Variants in KCNH8 observed in about 807,000 individuals in gnomAD.
KCNH8 encodes voltage-gated delayed rectifier potassium channel KCNH8.
Under a neutral mutation model 103.6 loss-of-function variants are expected in KCNH8, and 70 were observed. The ratio of observed to expected loss-of-function variants is 0.68; its 90% CI spans 0.56 to 0.82. The LOEUF (loss-of-function observed/expected upper bound fraction) is 0.82, where lower values mean the gene tolerates loss of function less well. KCNH8 is among the 40% of genes least tolerant of loss of function. KCNH8 has a pLI of 0.00. For synonymous variants in KCNH8, 498 were observed against 489.4 expected (o/e 1.02, Z -0.23); for missense variants, 1,217 against 1,329.9 (o/e 0.92, Z 1.32).
chr3:19,171,931 G>A (rs1458425069), intron 1 of KCNH8, among the ~76,000 whole-genome samples: 1 of 152,186 alleles, frequency 6.6e-6, no homozygotes, highest in Admixed American at 6.5e-5. Context: ...GAACTTGACG[G>A]TGTTTGCACT....
At position 19,209,814 on chromosome 3, in the gene KCNH8, A is replaced by G. The variant is rs1331143380; in HGVS notation, c.77-43840A>G. ...TTCAGACAGGATTCAGGTGCTTTTT[A>G]AAGATCTGGCAGGACGATTCCTGGG... On this transcript the variant is annotated intron_variant, in intron 1 of 15. Coordinates refer to ENST00000328405, the MANE Select transcript of KCNH8 (RefSeq NM_144633.3). Among the ~76,000 whole-genome samples, 3 of 152,076 alleles carry G rather than the reference A, an allele frequency of 2.0e-5. No homozygotes were observed. The East Asian group carries it at 5.8e-4, about 29-fold the overall frequency.
intron 1 of KCNH8, among the ~76,000 whole-genome samples, chr3:19,198,402 G>C (rs1023664696): frequency 2.0e-5 from 3 of 152,040 alleles, no homozygotes; most frequent in African/African-American, 4.8e-5. Flanking sequence ...ACATTGCAGT[G>C]CAAGACAACC....
At chr3:19,248,734 A>G (rs2125250017) in intron 1 of KCNH8, among the ~76,000 whole-genome samples, 1 of 152,276 alleles carries the variant, frequency 6.6e-6, no homozygotes, top group Middle Eastern at 3.4e-3. Flanking sequence ...GAAAGAAGCT[A>G]ATAGTGGATC....
At chr3:19,368,377 G>A (rs1306128289) in intron 5 of KCNH8, among the ~76,000 whole-genome samples, 3 of 151,994 alleles carry the variant, frequency 2.0e-5, no homozygotes, top group Non-Finnish European at 4.4e-5. Context: ...TGTAGGGCTG[G>A]TCCATACTAG....
intron 7 of KCNH8, among the ~76,000 whole-genome samples, chr3:19,396,745 A>G (rs924367788): frequency 6.6e-6 from 1 of 151,988 alleles, no homozygotes; most frequent in Non-Finnish European, 1.5e-5. Context: ...CTATCTTTCG[A>G]TATTGTTTTC....
chr3:19,477,636 C>A (rs2068004490), intron 11 of KCNH8, among the ~76,000 whole-genome samples: 1 of 151,802 alleles, frequency 6.6e-6, no homozygotes, highest in Non-Finnish European at 1.5e-5. Context: ...GTGGAAGCAA[C>A]AAACAAGGAA....
intron 5 of KCNH8, among the ~76,000 whole-genome samples, chr3:19,366,450 A>G (rs564804842): frequency 3.4e-4 from 52 of 152,250 alleles, no homozygotes; most frequent in South Asian, 1.0e-3. Context: ...AGACTATGAG[A>G]AGAGCATGTG....
intron 1 of KCNH8, among the ~76,000 whole-genome samples, chr3:19,213,868 T>C (rs1403116191): frequency 6.6e-6 from 1 of 152,154 alleles, no homozygotes; most frequent in Non-Finnish European, 1.5e-5. Context: ...TGAAGTCTAC[T>C]CCAGTATCAA....
chr3:19,357,484 C>T, intron 5 of KCNH8, among the ~76,000 whole-genome samples: 2 of 149,410 alleles, frequency 1.3e-5, no homozygotes, highest in Non-Finnish European at 3.0e-5. Context: ...TCTAAAAATA[C>T]AAAAAAAAAA....
intron 11 of KCNH8, among the ~76,000 whole-genome samples, chr3:19,463,341 C>G (rs1291426636): frequency 6.6e-6 from 1 of 151,978 alleles, no homozygotes; most frequent in Admixed American, 6.6e-5. Flanking sequence ...AAGTTTCATA[C>G]TAGTAGTATG....
chr3:19,280,153 A>C (rs1268372375), intron 2 of KCNH8, among the ~76,000 whole-genome samples: 1 of 152,122 alleles, frequency 6.6e-6, no homozygotes, highest in Non-Finnish European at 1.5e-5. Flanking sequence ...ATTTTAAAAT[A>C]TATTTAAACA....
chr3:19,455,818 A>T (rs113053465), intron 10 of KCNH8, among the ~76,000 whole-genome samples: 54 of 152,226 alleles, frequency 3.5e-4, no homozygotes, highest in African/African-American at 1.3e-3. Context: ...CAAAGTATGA[A>T]AAGTATGATG....
At chr3:19,500,070 G>A (rs1319391526) in intron 11 of KCNH8, among the ~76,000 whole-genome samples, 1 of 152,076 alleles carries the variant, frequency 6.6e-6, no homozygotes, top group Non-Finnish European at 1.5e-5. Context: ...ACACACATAG[G>A]CTCAAATTAA....
chr3:19,474,848 G>A (rs904252087), intron 11 of KCNH8, among the ~76,000 whole-genome samples: 6 of 152,060 alleles, frequency 3.9e-5, no homozygotes, highest in Non-Finnish European at 8.8e-5. Flanking sequence ...TTATATCCTA[G>A]GTTATACAGT....
intron 5 of KCNH8, among the ~76,000 whole-genome samples, chr3:19,376,095 G>C (rs1247877481): frequency 6.6e-6 from 1 of 152,194 alleles, no homozygotes; most frequent in African/African-American, 2.4e-5. Context: ...TACAGAGGCA[G>C]GCAGGCCTCC....
intron 3 of KCNH8, among the ~76,000 whole-genome samples, chr3:19,325,713 T>C (rs2125306611): frequency 6.6e-6 from 1 of 152,228 alleles, no homozygotes; most frequent in East Asian, 1.9e-4. Flanking sequence ...TGGAGTAAAA[T>C]GAATGCTAAT....
intron 10 of KCNH8, among the ~76,000 whole-genome samples, chr3:19,455,685 A>G (rs544640828): frequency 1.3e-5 from 2 of 152,110 alleles, no homozygotes; most frequent in African/African-American, 4.8e-5. Flanking sequence ...TCAGTTCTCC[A>G]TAAATATTCA....
At chr3:19,375,178 C>T (rs185489727) in intron 5 of KCNH8, among the ~76,000 whole-genome samples, 18 of 152,154 alleles carry the variant, frequency 1.2e-4, no homozygotes, top group African/African-American at 4.3e-4. Flanking sequence ...GGAAGTTCTC[C>T]TGGATAATAT....
At chr3:19,229,404 G>A (rs549295196) in intron 1 of KCNH8, among the ~76,000 whole-genome samples, 1 of 152,290 alleles carries the variant, frequency 6.6e-6, no homozygotes, top group South Asian at 2.1e-4. Context: ...AATCTAGGTG[G>A]AGGTTCCCAA....
Sources: gnomAD v4.1 joint callset for allele counts (sites outside exome capture counted in the v4.1 genomes callset) on GRCh38, gnomAD v4.1.1 for gene constraint, MANE v1.5 for transcripts, NCBI Gene and HGNC (gene_info 2026-07-23, HGNC 2026-07-21) for gene names.